Variants in ZFHX4 observed in about 807,000 individuals in gnomAD.
The protein encoded by ZFHX4 is zinc finger homeobox 4.
ZFHX4 carries 56 observed loss-of-function variants against 267.6 expected under a neutral mutation model. The ratio of observed to expected loss-of-function variants is 0.21; its 90% CI spans 0.17 to 0.26. ZFHX4 has a LOEUF of 0.26. Among genes scored for constraint, ZFHX4 ranks in the 10% least tolerant of loss-of-function variants. The pLI is 1.00. For synonymous variants in ZFHX4, 1,778 were observed against 1,665.6 expected, an observed-to-expected ratio of 1.07 and a Z score of -1.64; for missense variants, 4,332 against 4,420.0, an observed-to-expected ratio of 0.98 and a Z score of 0.56.
intron 3 of ZFHX4, among the ~76,000 whole-genome samples, chr8:76,772,685 T>C (rs1251837851): frequency 1.3e-5 from 2 of 152,162 alleles, no homozygotes; most frequent in African/African-American, 4.8e-5. Flanking sequence ...CAGCCCCACC[T>C]AACATATTTT....
In ZFHX4 at chr8:76,864,827, A is replaced by G. The variant is rs116113052; in HGVS notation, c.*262A>G. 239 of 249,892 alleles carry G rather than the reference A, an allele frequency of 9.6e-4. No homozygotes were observed. Among genetic ancestry groups the G allele is most frequent in the African/African-American group, 5.1e-3 (228 of 44,750 alleles). 15.5% of individuals were successfully genotyped at this position (249,892 alleles called of 1,614,324 possible). A position where few individuals can be genotyped will look rare whatever the true frequency, so the allele number is the denominator to read the frequency against. On this transcript the variant is annotated 3_prime_UTR_variant, in exon 11 of 11. Transcript: ENST00000651372. Reference sequence around the variant, plus strand: ...AAAAAATCTCACAAGTTCTTTTGGAACTTGTTTCAAGCCAAAAACTCTCAA... The same window carrying G: ...AAAAAATCTCACAAGTTCTTTTGGAGCTTGTTTCAAGCCAAAAACTCTCAA...
At chr8:76,821,448 A>C (rs897167818) in intron 4 of ZFHX4, among the ~76,000 whole-genome samples, 1 of 152,000 alleles carries the variant, frequency 6.6e-6, no homozygotes, top group Non-Finnish European at 1.5e-5. Context: ...TCTTTGGCAA[A>C]CCTAATGACC....
chr8:76,853,883 T>C lies in ZFHX4; in HGVS notation c.6962T>C (p.Phe2321Ser). 6.2e-7 allele frequency: 1 copy of C among 1,613,886 alleles called. No individual in the cohort carries two copies. The highest frequency in any genetic ancestry group is 8.5e-7 in the Non-Finnish European group (1 of 1,179,860). ...QYQCKKCNVV[F>S]PRIFDLITHQ... ...CAGTGTAAAAAGTGCAATGTGGTTT[T>C]CCCCAGGATCTTTGACTTGATTACG... Residue 2321 changes from phenylalanine to serine, a missense_variant, in exon 10 of 11, where the codon TTC becomes TCC. By Grantham distance (155) the Phe-to-Ser change is radical (BLOSUM62 -2). This residue lies in a region of ZFHX4 where 1,648 missense variants were observed against 1,625.0 expected (regional missense o/e 1.01). Coordinates refer to ENST00000651372, the MANE Select transcript of ZFHX4 (RefSeq NM_024721.5).
chr8:76,746,466 A>G (rs1809462896), intron 3 of ZFHX4, among the ~76,000 whole-genome samples: 1 of 152,206 alleles, frequency 6.6e-6, no homozygotes, highest in Non-Finnish European at 1.5e-5. Flanking sequence ...CAGAAATTCT[A>G]AGCAGAGAAT....
At chr8:76,762,773 A>G (rs554631819) in intron 3 of ZFHX4, among the ~76,000 whole-genome samples, 2 of 152,316 alleles carry the variant, frequency 1.3e-5, no homozygotes, top group South Asian at 4.1e-4. Flanking sequence ...TACTATGCCT[A>G]AAACATATTG....
chr8:76,835,275 G>GTATATATATATATATATATA (rs1426508850), intron 5 of ZFHX4, among the ~76,000 whole-genome samples: 1 of 87,392 alleles, frequency 1.1e-5, no homozygotes, highest in Non-Finnish European at 2.3e-5. Context: ...ACATATATTT[G>GTATATATATATATATATATA]TTAAAAATGG....
At chr8:76,748,199 C>G (rs1007902016) in intron 3 of ZFHX4, among the ~76,000 whole-genome samples, 10 of 151,974 alleles carry the variant, frequency 6.6e-5, no homozygotes, top group African/African-American at 2.2e-4. Flanking sequence ...AGATCTTTAT[C>G]CCTCTCTGTC....
intron 4 of ZFHX4, among the ~76,000 whole-genome samples, chr8:76,797,841 C>T (rs1432996255): frequency 2.0e-5 from 3 of 150,768 alleles, no homozygotes; most frequent in African/African-American, 4.9e-5. Flanking sequence ...TTTTACTAAA[C>T]GTTTGACCTG....
At chr8:76,786,840 G>C (rs374470819) in intron 4 of ZFHX4, among the ~76,000 whole-genome samples, 1 of 152,230 alleles carries the variant, frequency 6.6e-6, no homozygotes, top group South Asian at 2.1e-4. Context: ...CAGCACTTTT[G>C]AGGTTCGGAG....
At chr8:76,729,544 A>G (rs970080377) in intron 3 of ZFHX4, among the ~76,000 whole-genome samples, 1 of 152,178 alleles carries the variant, frequency 6.6e-6, no homozygotes, top group Non-Finnish European at 1.5e-5. Flanking sequence ...TCAGTGACAT[A>G]TTATTCCAAT....
At chr8:76,822,289 A>G (rs1585980181) in intron 4 of ZFHX4, among the ~76,000 whole-genome samples, 1 of 152,056 alleles carries the variant, frequency 6.6e-6, no homozygotes, top group East Asian at 1.9e-4. Context: ...AATATATACC[A>G]GTTTCTCTAC....
At chr8:76,844,187 G>T (rs192627589) in intron 6 of ZFHX4, among the ~76,000 whole-genome samples, 3 of 152,102 alleles carry the variant, frequency 2.0e-5, no homozygotes, top group Admixed American at 2.0e-4. Context: ...AAATAGCAAG[G>T]TGGTTTGTTC....
At chr8:76,689,824 CT>C (rs1563460978) in intron 1 of ZFHX4, among the ~76,000 whole-genome samples, 1 of 152,086 alleles carries the variant, frequency 6.6e-6, no homozygotes, top group South Asian at 2.1e-4. Flanking sequence ...ATGCACTGGA[CT>C]TAAAAATGGC....
intron 3 of ZFHX4, among the ~76,000 whole-genome samples, chr8:76,715,805 C>T (rs1277505843): frequency 6.6e-6 from 1 of 152,098 alleles, no homozygotes; most frequent in Non-Finnish European, 1.5e-5. Context: ...AATGTGCATA[C>T]ATAAATATTA....
At chr8:76,749,891 G>T (rs914433036) in intron 3 of ZFHX4, among the ~76,000 whole-genome samples, 1 of 152,074 alleles carries the variant, frequency 6.6e-6, no homozygotes, top group African/African-American at 2.4e-5. Flanking sequence ...AAGGTTGATT[G>T]CATTATAAAA....
chr8:76,777,856 GTTTT>G (rs35413380), intron 3 of ZFHX4, among the ~76,000 whole-genome samples: 1 of 128,590 alleles, frequency 7.8e-6, no homozygotes, highest in Admixed American at 7.7e-5. Flanking sequence ...TGATGAACTT[GTTTT>G]TTTTTTTGTT....
At chr8:76,692,732 G>T (rs544278109) in intron 1 of ZFHX4, among the ~76,000 whole-genome samples, 65 of 151,678 alleles carry the variant, frequency 4.3e-4, no homozygotes, top group Non-Finnish European at 7.2e-4. Context: ...TTTTCATTGC[G>T]ATACATGTAA....
At chr8:76,687,915 G>A (rs1007770657) in intron 1 of ZFHX4, among the ~76,000 whole-genome samples, 2 of 152,146 alleles carry the variant, frequency 1.3e-5, no homozygotes, top group East Asian at 1.9e-4. Context: ...TAAGATGAAA[G>A]GAAGATGAAA....
chr8:76,855,776 G>A lies in ZFHX4; in HGVS notation c.8855G>A (p.Arg2952Gln). 2 of 1,613,888 alleles carry A rather than the reference G, an allele frequency of 1.2e-6. 1 individual carries two copies. Among genetic ancestry groups the A allele is most frequent in the South Asian group, 2.2e-5 (2 of 91,076 alleles). Residue 2952 changes from arginine (R) to glutamine (Q), a missense_variant, in exon 10 of 11, where the codon CGA (arginine) becomes CAA (glutamine). Arg to Gln is a conservative substitution (Grantham distance 43). Around this residue, in one of 7 missense-constraint regions of ZFHX4, gnomAD observed 1,648 missense variants for 1,625.0 expected, o/e 1.01. Transcript: ENST00000651372. The stretch of plus-strand genomic sequence containing the variant: ...CTCAAGGCTTGCTTTAGTGACTACC[G>A]AACTCCAACCATGCAAGAATGTGAA... ...KVLKACFSDY[R>Q]TPTMQECEML...
Sources: gnomAD v4.1 joint callset for allele counts (sites outside exome capture counted in the v4.1 genomes callset) on GRCh38, gnomAD v4.1.1 for gene constraint, gnomAD v4.1.1 regional missense constraint, MANE v1.5 for transcripts, NCBI Gene and HGNC (gene_info 2026-07-23, HGNC 2026-07-21) for gene names.